The following MTG1 variants were observed in gnomAD, a reference collection of about 807,000 sequenced individuals.
MTG1 encodes the protein mitochondrial ribosome-associated GTPase 1.
MTG1 carries 30 observed loss-of-function variants against 39.5 expected under a neutral mutation model. The observed-to-expected ratio is 0.76, with a 90% CI of 0.57 to 1.03. MTG1 has a LOEUF of 1.03. Among genes scored for constraint, MTG1 ranks in the 50% least tolerant of loss-of-function variants. MTG1 has a pLI of 0.00. For synonymous variants in MTG1, 217 were observed against 179.0 expected (o/e 1.21, Z -1.69); for missense variants, 513 against 447.4 (o/e 1.15, Z -1.32).
At chr10:133,415,959 CGCGGGTGTCGGGCAG>C (rs1206961330) in intron 9 of MTG1, among the ~76,000 whole-genome samples, 2 of 112,760 alleles carry the variant, frequency 1.8e-5, no homozygotes, top group South Asian at 2.8e-4. Flanking sequence ...TTATCAGGCA[CGCGGGTGTCGGGCAG>C]GCGGGTGTCG....
At chr10:133,414,157 C>T (rs1245828497) in intron 9 of MTG1, among the ~76,000 whole-genome samples, 1 of 150,648 alleles carries the variant, frequency 6.6e-6, no homozygotes. Context: ...TTTAACAAAG[C>T]ACATCTTGCA....
In MTG1 at chr10:133,421,900, C is replaced by CG. The variant is rs147046336; in HGVS notation, c.*1737dup. 0.54 allele frequency: 62,951 copies of CG among 115,776 alleles called. 21,130 individuals are homozygous for CG. Among genetic ancestry groups the CG allele is most frequent in the Non-Finnish European group, 0.69 (38,322 of 55,796 alleles). 7.2% of individuals were successfully genotyped at this position (115,776 alleles called of 1,614,324 possible). On this transcript the variant is annotated 3_prime_UTR_variant, in exon 11 of 11. Transcript: ENST00000317502. The stretch of plus-strand genomic sequence containing the variant: ...TGGAGAGGGTGAGATCCCAAGGCCA[C>CG]GGCGGGGGGCAGGGAGAACCCCTCC...
chr10:133,398,506 T>C lies in MTG1; in HGVS notation c.354T>C (p.Asn118=). The C allele has an allele frequency of 4.3e-6, 7 of 1,613,622 alleles. No homozygotes were observed. The highest frequency in any genetic ancestry group is 1.1e-5 in the South Asian group (1 of 90,960). ...VIFTNCVKDE[N]VKQIIPMVTE... ...TTACCAACTGTGTAAAGGATGAAAATGTCAAGCAGGTAGGCTTTTCGTCTG... is the reference window on the plus strand; with the variant it reads ...TTACCAACTGTGTAAAGGATGAAAACGTCAAGCAGGTAGGCTTTTCGTCTG... Residue 118 remains asparagine, a synonymous_variant, in exon 4 of 11, where the codon AAT becomes AAC. Transcript: ENST00000317502.
rs1358350925 is a variant in MTG1 at position 133,394,334 on chromosome 10, TGAGGCACGGCGGG to T, written c.112+7_112+19del. 6.7e-7 allele frequency: 1 copy of T among 1,495,630 alleles called. No homozygotes were observed. The highest frequency in any genetic ancestry group is 8.9e-7 in the Non-Finnish European group (1 of 1,127,038). 92.6% of individuals were successfully genotyped at this position (1,495,630 alleles called of 1,614,324 possible). On this transcript the variant is annotated splice_donor_5th_base_variant and intron_variant, in intron 1 of 10. Coordinates refer to ENST00000317502, the MANE Select transcript of MTG1 (RefSeq NM_138384.4). ...GGTTCCCGGGCCACATGGCCAAGGG[TGAGGCACGGCGGG>T]GAGGGGCAAGGTCATGCCTACGGCC...
intron 9 of MTG1, among the ~76,000 whole-genome samples, chr10:133,411,041 G>T (rs1326219279): frequency 6.6e-6 from 1 of 152,186 alleles, no homozygotes; most frequent in African/African-American, 2.4e-5. Flanking sequence ...GAGTCTGTGT[G>T]TTTACTTTTG....
chr10:133,416,852 C>T (rs1302340529), intron 9 of MTG1, among the ~76,000 whole-genome samples: 7 of 151,314 alleles, frequency 4.6e-5, no homozygotes, highest in African/African-American at 9.7e-5. Flanking sequence ...TGAATAATGC[C>T]GCAATAAACA....
intron 7 of MTG1, 145 bp downstream of exon 7, chr10:133,401,735 C>A: frequency 1.3e-6 from 1 of 785,344 alleles, no homozygotes; most frequent in South Asian, 1.4e-5. Flanking sequence ...CCGGGGCAGG[C>A]ACTGCCCCTG....
At chr10:133,396,951 A>G (rs963917799) in intron 3 of MTG1, among the ~76,000 whole-genome samples, 26 of 152,148 alleles carry the variant, frequency 1.7e-4, no homozygotes, top group Non-Finnish European at 3.7e-4. Context: ...AGCACCCGCT[A>G]CTTAGCAGAC....
intron 2 of MTG1, among the ~76,000 whole-genome samples, 183 bp downstream of exon 2, chr10:133,395,960 G>C (rs564291618): frequency 6.6e-6 from 1 of 152,174 alleles, no homozygotes; most frequent in East Asian, 1.9e-4. Context: ...ATATATCTGC[G>C]TCACTCAAGC....
At chr10:133,409,364 A>G (rs1339483143) in intron 9 of MTG1, among the ~76,000 whole-genome samples, 4 of 152,100 alleles carry the variant, frequency 2.6e-5, no homozygotes, top group Non-Finnish European at 4.4e-5. Flanking sequence ...TCCTCTTGTT[A>G]CTGCTTTCTT....
intron 9 of MTG1, among the ~76,000 whole-genome samples, chr10:133,418,956 C>A (rs1331849882): frequency 6.6e-6 from 1 of 152,198 alleles, no homozygotes; most frequent in African/African-American, 2.4e-5. Flanking sequence ...CCTAGTCAGC[C>A]CATGCTGGTC....
chr10:133,415,407 T>C (rs1850110469), intron 9 of MTG1, among the ~76,000 whole-genome samples: 1 of 150,020 alleles, frequency 6.7e-6, no homozygotes, highest in East Asian at 1.9e-4. Flanking sequence ...ATTTCACCTT[T>C]GTTTTGAAAG....
intron 3 of MTG1, among the ~76,000 whole-genome samples, chr10:133,396,948 G>A (rs947015580): frequency 1.3e-5 from 2 of 152,136 alleles, no homozygotes; most frequent in Non-Finnish European, 2.9e-5. Flanking sequence ...AAAAGCACCC[G>A]CTACTTAGCA....
Position 133,402,561 on chromosome 10 carries a change from T to A in MTG1, c.671-131T>A. ...CCGAGTGCCGTCCTCTTGGTTAGTG[T>A]CTTTGTCAGTGGCTGGCCTCTTCCT... is the stretch of plus-strand genomic sequence containing the variant. On this transcript the variant is annotated intron_variant, in intron 8 of 10. Coordinates refer to ENST00000317502, the MANE Select transcript of MTG1 (RefSeq NM_138384.4). The surrounding 1 kb of genome is among the most constrained non-coding windows in gnomAD (Gnocchi z 4.7). 1.2e-6 allele frequency: 1 copy of A among 862,482 alleles called. No homozygotes were observed. Among genetic ancestry groups the A allele is most frequent in the Non-Finnish European group, 1.8e-6 (1 of 551,966 alleles). 53.4% of individuals were successfully genotyped at this position (862,482 alleles called of 1,614,324 possible).
chr10:133,406,187 G>GT (rs539589085), intron 9 of MTG1, among the ~76,000 whole-genome samples: 7 of 151,760 alleles, frequency 4.6e-5, no homozygotes, highest in South Asian at 2.1e-4. Flanking sequence ...TAGTTATGTG[G>GT]TTTTTTTTGC....
chr10:133,403,726 G>A (rs1300626229), intron 9 of MTG1, among the ~76,000 whole-genome samples: 2 of 152,176 alleles, frequency 1.3e-5, no homozygotes, highest in East Asian at 1.9e-4. Flanking sequence ...TAAAGCTGCT[G>A]TGAACATTCA....
intron 9 of MTG1, 58 bp from the exon 10 acceptor site, chr10:133,419,418 CCTGG>C: frequency 7.0e-7 from 1 of 1,433,776 alleles, no homozygotes; most frequent in Non-Finnish European, 9.5e-7. Context: ...AAGGGCCCGG[CCTGG>C]CTGGCCGCGC....
chr10:133,395,833 G>T (rs2133489857), intron 2 of MTG1, 56 bp downstream of exon 2: 1 of 1,556,460 alleles, frequency 6.4e-7, no homozygotes, highest in Non-Finnish European at 8.8e-7. Context: ...TTACACATTA[G>T]AATTACCTGG....
Position 133,402,881 on chromosome 10 carries a change from C to T in MTG1, c.752+108C>T, listed in dbSNP as rs141342346. ...CAGCATTATAAAGGTATTATAAACACGGTAACCTGCACATCGTTTAAAGCG... is the reference window on the plus strand; with the variant it reads ...CAGCATTATAAAGGTATTATAAACATGGTAACCTGCACATCGTTTAAAGCG... On this transcript the variant is annotated intron_variant, in intron 9 of 10. Coordinates refer to ENST00000317502, the MANE Select transcript of MTG1 (RefSeq NM_138384.4). This position sits in a 1 kb window ranked among gnomAD's most constrained non-coding sequence, Gnocchi z 4.7. 3.6e-5 allele frequency: 29 copies of T among 812,420 alleles called. No individual in the cohort carries two copies. Among genetic ancestry groups the T allele is most frequent in the Admixed American group, 2.5e-4 (9 of 36,168 alleles). 50.3% of individuals were successfully genotyped at this position (812,420 alleles called of 1,614,324 possible). A position where few individuals can be genotyped will look rare whatever the true frequency, so the allele number is the denominator to read the frequency against.
Sources: gnomAD v4.1 joint callset for allele counts (sites outside exome capture counted in the v4.1 genomes callset) on GRCh38, gnomAD v4.1.1 for gene constraint, Gnocchi (gnomAD v3.1) non-coding constraint, MANE v1.5 for transcripts, NCBI Gene and HGNC (gene_info 2026-07-23, HGNC 2026-07-21) for gene names.